Variants in ZNF254 observed in about 807,000 individuals in gnomAD.
ZNF254 encodes the protein zinc finger protein 254, also known as CTD-2017D11.1.
ZNF254 carries 10 observed loss-of-function variants against 12.4 expected under a neutral mutation model. That is an observed-to-expected ratio of 0.80 (90% CI 0.50 to 1.36). ZNF254 has a LOEUF of 1.36. ZNF254 is among the 40% of genes most tolerant of loss of function. The pLI is 0.00. For synonymous variants in ZNF254, 305 were observed against 253.4 expected, an observed-to-expected ratio of 1.20 and a Z score of -1.93; for missense variants, 996 against 763.9, an observed-to-expected ratio of 1.30 and a Z score of -3.58.
chr19:24,074,449 C>T (rs977443773), intron 2 of ZNF254, among the ~76,000 whole-genome samples: 1 of 152,194 alleles, frequency 6.6e-6, no homozygotes, highest in Non-Finnish European at 1.5e-5. Flanking sequence ...GTGACTCTTA[C>T]TTGGGTTTGG....
At position 24,129,236 on chromosome 19, in the gene ZNF254, G is replaced by T. The variant is rs1422768265; in HGVS notation, c.*1256G>T. On this transcript the variant is annotated 3_prime_UTR_variant, in exon 4 of 4. Coordinates refer to ENST00000357002, the MANE Select transcript of ZNF254 (RefSeq NM_203282.4). ...TTAGTTAAAATTAAGTTAGTCATATGTTATTTTATTAATTGTACTTCTATG... is the reference window on the plus strand; with the variant it reads ...TTAGTTAAAATTAAGTTAGTCATATTTTATTTTATTAATTGTACTTCTATG... The T allele has an allele frequency of 6.6e-6, 1 of 151,924 alleles. No homozygotes were observed. The highest frequency in any genetic ancestry group is 1.5e-5 in the Non-Finnish European group (1 of 67,890). 9.4% of individuals were successfully genotyped at this position (151,924 alleles called of 1,614,324 possible).
chr19:24,105,878 T>G lies in ZNF254; in HGVS notation c.31-62T>G, dbSNP rs116173718. ...CTATTTACTCTAATTTTACCTTGAG[T>G]CAAATGAAAAATTCTGCCGATAGCC... On this transcript the variant is annotated intron_variant, in intron 1 of 3. Coordinates refer to ENST00000357002, the MANE Select transcript of ZNF254 (RefSeq NM_203282.4). The G allele has an allele frequency of 9.2e-3, 14,268 of 1,548,610 alleles. 120 individuals are homozygous for G. The highest frequency in any genetic ancestry group is 0.026 in the South Asian group (2,374 of 90,052).
upstream of ZNF254, among the ~76,000 whole-genome samples, chr19:24,086,013 C>G (rs1175589242): frequency 6.6e-6 from 1 of 151,746 alleles, no homozygotes; most frequent in Non-Finnish European, 1.5e-5. Context: ...TCGTGACCAG[C>G]CTGGCAACAT....
intron 2 of ZNF254, among the ~76,000 whole-genome samples, chr19:24,053,936 A>G (rs1221074965): frequency 1.1e-4 from 16 of 151,426 alleles, no homozygotes; most frequent in Admixed American, 9.2e-4. Flanking sequence ...CCCACTACCT[A>G]TGGGATTGCA....
intron 1 of ZNF254, among the ~76,000 whole-genome samples, chr19:24,045,079 A>G (rs1373220660): frequency 6.6e-6 from 1 of 151,976 alleles, no homozygotes; most frequent in Non-Finnish European, 1.5e-5. Context: ...TAGTTTCTTT[A>G]CTTGCAGCCC....
intron 3 of ZNF254, among the ~76,000 whole-genome samples, chr19:24,124,767 C>A (rs1351482274): frequency 6.7e-6 from 1 of 149,726 alleles, no homozygotes; most frequent in Non-Finnish European, 1.5e-5. Context: ...CACTTTTTTT[C>A]TTTTTCTTTT....
intron 1 of ZNF254, among the ~76,000 whole-genome samples, chr19:24,097,733 A>G (rs1030553002): frequency 6.6e-6 from 1 of 151,986 alleles, no homozygotes; most frequent in Non-Finnish European, 1.5e-5. Flanking sequence ...GTAAGCTGAG[A>G]TCATGTCATT....
chr19:24,116,848 A>G (rs549016660), intron 3 of ZNF254, among the ~76,000 whole-genome samples: 1 of 152,014 alleles, frequency 6.6e-6, no homozygotes, highest in East Asian at 1.9e-4. Flanking sequence ...GTCTTTGACG[A>G]TGGTGATGTA....
chr19:24,033,814 C>T (rs1969856276), intron 1 of ZNF254, among the ~76,000 whole-genome samples: 1 of 152,224 alleles, frequency 6.6e-6, no homozygotes, highest in African/African-American at 2.4e-5. Flanking sequence ...CCCTGCGGCG[C>T]CCAGTCTGGA....
chr19:24,051,321 A>G (rs1970637688), intron 2 of ZNF254, among the ~76,000 whole-genome samples: 1 of 151,872 alleles, frequency 6.6e-6, no homozygotes, highest in Non-Finnish European at 1.5e-5. Context: ...CACCACGCCC[A>G]GCTAATTTTT....
In ZNF254 at chr19:24,127,774, C is replaced by G; in HGVS notation, c.1774C>G (p.His592Asp). 6.2e-7 allele frequency: 1 copy of G among 1,612,406 alleles called. No homozygotes were observed. The highest frequency in any genetic ancestry group is 8.5e-7 in the Non-Finnish European group (1 of 1,179,434). ...TAACCGGTCTTCAACTTTTACTAAA[C>G]ATAAGGTAATTCATACTGGAGTAAA... ...SFNRSSTFTKHKVIHTGVKPY... is the reference protein window; with the variant it reads ...SFNRSSTFTKDKVIHTGVKPY... Residue 592 changes from histidine (H) to aspartate (D), a missense_variant, in exon 4 of 4, where the codon CAT becomes GAT. Coordinates refer to ENST00000357002, the MANE Select transcript of ZNF254 (RefSeq NM_203282.4).
chr19:24,072,392 G>A lies in ZNF254; in HGVS notation c.-94+26113G>A, dbSNP rs149717283. Among the ~76,000 whole-genome samples, 1,387 of 152,076 alleles carry A rather than the reference G, an allele frequency of 9.1e-3. 25 individuals carry two copies. Among genetic ancestry groups the A allele is most frequent in the African/African-American group, 0.031 (1,290 of 41,490 alleles). On this transcript the variant is annotated intron_variant, in intron 2 of 4. Transcript: ENST00000613065. ...TCGCCATGTTGGCCAGGCTGGTCTC[G>A]AACTCCTGACCTCAAGCGATCTACC...
upstream of ZNF254, among the ~76,000 whole-genome samples, chr19:24,085,639 G>T (rs1022929201): frequency 6.6e-6 from 1 of 151,480 alleles, no homozygotes; most frequent in Non-Finnish European, 1.5e-5. Flanking sequence ...GGGCATGATG[G>T]CTTACACCTG....
At position 24,112,424 on chromosome 19, in the gene ZNF254, G is replaced by T. The variant is rs556915274; in HGVS notation, c.253+5781G>T. ...GTTCTTTTGGCTTAGGAGTGACTTG[G>T]TGATGCGGGCTCTTTTTTGGTTCCA... On this transcript the variant is annotated intron_variant, in intron 3 of 3. Transcript: ENST00000357002. Among the ~76,000 whole-genome samples, 237 of 147,174 alleles carry T rather than the reference G, an allele frequency of 1.6e-3. 2 individuals are homozygous for T. The highest frequency in any genetic ancestry group is 3.0e-3 in the Non-Finnish European group (200 of 66,132).
rs569555179 is a variant in ZNF254, at chr19:24,127,376, A to G, written c.1376A>G (p.Glu459Gly). 1.2e-6 allele frequency: 2 copies of G among 1,612,526 alleles called. No homozygotes were observed. Among genetic ancestry groups the G allele is most frequent in the East Asian group, 2.2e-5 (1 of 44,786 alleles). The change falls in exon 4 of 4, where the codon GAG (glutamate) becomes GGG (glycine). Residue 459 changes from glutamate to glycine, a missense_variant. Coordinates refer to ENST00000357002, the MANE Select transcript of ZNF254 (RefSeq NM_203282.4). ...AAACATAAGAGAATTCATACTAGAGAGAAACCCTACAAATGTGAAGAATGT... is the reference window on the plus strand; with the variant it reads ...AAACATAAGAGAATTCATACTAGAGGGAAACCCTACAAATGTGAAGAATGT... ...LTKHKRIHTR[E>G]KPYKCEECGK... is the part of the protein sequence containing the mutation.
intron 3 of ZNF254, among the ~76,000 whole-genome samples, chr19:24,114,206 G>T (rs970201873): frequency 1.3e-5 from 2 of 152,180 alleles, no homozygotes; most frequent in African/African-American, 4.8e-5. Context: ...CCAAAAAAGA[G>T]CCCGCATCGC....
chr19:24,119,377 A>AGAAG (rs1800488663), intron 3 of ZNF254, among the ~76,000 whole-genome samples: 2 of 151,996 alleles, frequency 1.3e-5, no homozygotes, highest in South Asian at 4.1e-4. Flanking sequence ...TTTTTAGTAG[A>AGAAG]GAAGGGGTTT....
At chr19:24,089,865 G>A (rs184688555) in intron 1 of ZNF254, among the ~76,000 whole-genome samples, 34 of 151,906 alleles carry the variant, frequency 2.2e-4, no homozygotes, top group African/African-American at 7.7e-4. Flanking sequence ...CAGAAAAATA[G>A]TAAAAAATTT....
intron 2 of ZNF254, among the ~76,000 whole-genome samples, chr19:24,053,241 G>A (rs562792133): frequency 1.3e-5 from 2 of 152,330 alleles, no homozygotes; most frequent in South Asian, 4.1e-4. Context: ...TTGCAGGAAG[G>A]ATTGAAGTTC....
Sources: allele counts gnomAD v4.1 joint callset (sites outside exome capture counted in the v4.1 genomes callset), GRCh38; gene constraint gnomAD v4.1.1; transcripts MANE v1.5; gene names NCBI Gene and HGNC (gene_info 2026-07-23, HGNC 2026-07-21).